The following STXBP5L variants were observed in gnomAD, a reference collection of about 807,000 sequenced individuals.
STXBP5L encodes the protein syntaxin-binding protein 5-like.
In STXBP5L, 65 loss-of-function variants were observed where a neutral mutation model predicts 144.5. The observed-to-expected ratio is 0.45, with a 90% CI of 0.37 to 0.55. The LOEUF (loss-of-function observed/expected upper bound fraction) is 0.55. Ranked by LOEUF, STXBP5L falls within the 20% of genes least tolerant of loss-of-function variation. The pLI is 0.00. For synonymous variants in STXBP5L, 505 were observed against 469.6 expected (o/e 1.08, Z -0.97); for missense variants, 1,298 against 1,405.5 (o/e 0.92, Z 1.22).
intron 7 of STXBP5L, among the ~76,000 whole-genome samples, chr3:121,150,372 T>C (rs979695678): frequency 9.2e-5 from 14 of 152,206 alleles, no homozygotes; most frequent in South Asian, 2.1e-4. Flanking sequence ...AGAGTGCTCT[T>C]ATTTTTGTCT....
chr3:121,408,700 A>C (rs2047050910), intron 23 of STXBP5L, among the ~76,000 whole-genome samples: 1 of 151,924 alleles, frequency 6.6e-6, no homozygotes, highest in Admixed American at 6.6e-5. Context: ...GGTTTTAAGC[A>C]GGTAATTAAC....
At chr3:121,171,774 G>A (rs531576436) in intron 9 of STXBP5L, among the ~76,000 whole-genome samples, 1 of 152,174 alleles carries the variant, frequency 6.6e-6, no homozygotes, top group African/African-American at 2.4e-5. Flanking sequence ...TGGCCATACT[G>A]CCCAAAGTAA....
rs921474364 is a variant in STXBP5L, at chr3:121,034,415, G to A, written c.288-7285G>A. ...ACAGTTTCTGAGTTGATCTAACTTA[G>A]GATAATGGCCTCTAATTCCATTTAT... is the stretch of plus-strand genomic sequence containing the variant. On this transcript the variant is annotated intron_variant, in intron 3 of 26. Coordinates refer to ENST00000471454, the MANE Select transcript of STXBP5L (RefSeq NM_001308330.2). Among the ~76,000 whole-genome samples the A allele has an allele frequency of 1.1e-4, 17 of 152,016 alleles. 1 individual carries two copies. The highest frequency in any genetic ancestry group is 1.5e-5 in the Non-Finnish European group (1 of 67,970).
chr3:121,193,952 A>C lies in STXBP5L; in HGVS notation c.878-11971A>C, dbSNP rs142605220. Among the ~76,000 whole-genome samples, 460 of 132,220 alleles carry C rather than the reference A, an allele frequency of 3.5e-3. 3 individuals carry two copies. Among genetic ancestry groups the C allele is most frequent in the African/African-American group, 0.013 (429 of 34,278 alleles). The allele number at this position is 132,220 out of a possible 152,430, so 86.7% of individuals were successfully genotyped here. On this transcript the variant is annotated intron_variant, in intron 9 of 26. Coordinates refer to ENST00000471454, the MANE Select transcript of STXBP5L (RefSeq NM_001308330.2). ...AAACTTGGACATTGTGCACATGTAC[A>C]CTAGAAGTTAACATATAATAATAAT...
At chr3:121,015,544 G>A (rs566608803) in intron 3 of STXBP5L, among the ~76,000 whole-genome samples, 3 of 152,224 alleles carry the variant, frequency 2.0e-5, no homozygotes, top group South Asian at 2.1e-4. Flanking sequence ...TGTGGGACTA[G>A]CATGAGAATG....
chr3:121,048,324 G>A (rs867447260), intron 5 of STXBP5L, among the ~76,000 whole-genome samples: 1 of 151,958 alleles, frequency 6.6e-6, no homozygotes, highest in Admixed American at 6.6e-5. Flanking sequence ...TATGTGTCTT[G>A]GCCATGGTCT....
At chr3:121,035,900 T>C (rs984091980) in intron 3 of STXBP5L, among the ~76,000 whole-genome samples, 2 of 152,202 alleles carry the variant, frequency 1.3e-5, no homozygotes, top group African/African-American at 4.8e-5. Flanking sequence ...TTTCTCTTTG[T>C]AATATTTTAT....
rs1018993708 is a variant in STXBP5L, at chr3:120,908,228, G to C, written c.-115G>C. 7 of 152,240 alleles carry C rather than the reference G, an allele frequency of 4.6e-5. No individual in the cohort carries two copies. The highest frequency in any genetic ancestry group is 8.8e-5 in the Non-Finnish European group (6 of 68,072). 9.4% of individuals were successfully genotyped at this position (152,240 alleles called of 1,614,324 possible). A position where few individuals can be genotyped will look rare whatever the true frequency, so the allele number is the denominator to read the frequency against. On this transcript the variant is annotated 5_prime_UTR_variant, in exon 1 of 27. Transcript: ENST00000471454. ...CTGACTGCTCGGTTAGGACCTCGGA[G>C]AGCGCCAGGCGCCGCGACCAGAGGG...
At chr3:121,290,954 G>A (rs567690384) in intron 19 of STXBP5L, among the ~76,000 whole-genome samples, 1 of 152,176 alleles carries the variant, frequency 6.6e-6, no homozygotes, top group Non-Finnish European at 1.5e-5. Context: ...TACGGAATGG[G>A]GGAAAGCTGA....
At chr3:121,277,121 A>G (rs1049319285) in intron 18 of STXBP5L, among the ~76,000 whole-genome samples, 5 of 151,994 alleles carry the variant, frequency 3.3e-5, no homozygotes, top group African/African-American at 9.7e-5. Flanking sequence ...ATTTCTCACA[A>G]TTCTGAAGGC....
chr3:121,327,833 G>C (rs1368902016), intron 20 of STXBP5L, among the ~76,000 whole-genome samples: 5 of 152,104 alleles, frequency 3.3e-5, no homozygotes, highest in Admixed American at 6.6e-5. Flanking sequence ...GTGGGCATAA[G>C]AAATCAAATT....
chr3:121,045,164 G>A (rs180960432), intron 4 of STXBP5L, among the ~76,000 whole-genome samples: 11 of 152,108 alleles, frequency 7.2e-5, no homozygotes, highest in South Asian at 2.1e-4. Context: ...GGCCATAACA[G>A]TGCTATAATA....
chr3:121,026,932 G>T (rs1217967171), intron 3 of STXBP5L, among the ~76,000 whole-genome samples: 1 of 151,782 alleles, frequency 6.6e-6, no homozygotes, highest in Non-Finnish European at 1.5e-5. Flanking sequence ...ATAAGTTTCT[G>T]CTTTTAGTCA....
intron 19 of STXBP5L, among the ~76,000 whole-genome samples, chr3:121,308,811 T>G (rs1223113323): frequency 6.6e-6 from 1 of 152,124 alleles, no homozygotes; most frequent in Non-Finnish European, 1.5e-5. Flanking sequence ...TTATAATGTT[T>G]TATTGGTTTG....
chr3:121,202,425 T>C (rs2048174442), intron 9 of STXBP5L, among the ~76,000 whole-genome samples: 1 of 152,156 alleles, frequency 6.6e-6, no homozygotes, highest in Admixed American at 6.5e-5. Context: ...TTTAAGTCAG[T>C]TAAGAGGTGG....
rs546768706 is a variant in STXBP5L, at chr3:120,978,450, A to T, written c.287+23413A>T. Among the ~76,000 whole-genome samples the T allele has an allele frequency of 1.7e-3, 261 of 151,928 alleles. 4 individuals carry two copies. Among genetic ancestry groups the T allele is most frequent in the Admixed American group, 4.0e-3 (61 of 15,256 alleles). ...TTATTCTAGTTATACATTTGTCTAAATTTTTTTCAAGGTTTTTAACTTCTT... is the reference window on the plus strand; with the variant it reads ...TTATTCTAGTTATACATTTGTCTAATTTTTTTTCAAGGTTTTTAACTTCTT... On this transcript the variant is annotated intron_variant, in intron 3 of 26. Coordinates refer to ENST00000471454, the MANE Select transcript of STXBP5L (RefSeq NM_001308330.2).
At chr3:121,309,457 A>G (rs1371375011) in intron 19 of STXBP5L, among the ~76,000 whole-genome samples, 1 of 152,138 alleles carries the variant, frequency 6.6e-6, no homozygotes, top group East Asian at 1.9e-4. Flanking sequence ...AATAATTAAA[A>G]CATATATGTC....
intron 3 of STXBP5L, among the ~76,000 whole-genome samples, chr3:121,007,108 T>C (rs552208628): frequency 3.9e-4 from 59 of 152,300 alleles, no homozygotes; most frequent in African/African-American, 1.2e-3. Context: ...TCTTGCTAGA[T>C]TGGGGAAGTT....
chr3:121,318,562 C>T, intron 20 of STXBP5L, 22 bp downstream of exon 20: 2 of 1,501,256 alleles, frequency 1.3e-6, no homozygotes, highest in South Asian at 2.8e-5. Flanking sequence ...TGGTATTTTG[C>T]AGACTTCTGG....
Sources: gnomAD v4.1 joint callset for allele counts (sites outside exome capture counted in the v4.1 genomes callset) on GRCh38, gnomAD v4.1.1 for gene constraint, MANE v1.5 for transcripts, NCBI Gene and HGNC (gene_info 2026-07-23, HGNC 2026-07-21) for gene names.